Variants in KIAA1328 observed in about 807,000 individuals in gnomAD.
KIAA1328 encodes the protein KIAA1328, also known as protein hinderin.
Under a neutral mutation model 68.1 loss-of-function variants are expected in KIAA1328, and 52 were observed. That is an observed-to-expected ratio of 0.76 (90% CI 0.61 to 0.96). The LOEUF (loss-of-function observed/expected upper bound fraction) is 0.96, where lower values mean the gene tolerates loss of function less well. Ranked by LOEUF, KIAA1328 falls within the 40% of genes least tolerant of loss-of-function variation. The pLI, the probability that KIAA1328 is intolerant of heterozygous loss-of-function variation, is 0.00. For missense variants in KIAA1328, 641 were observed against 677.6 expected, an observed-to-expected ratio of 0.95 and a Z score of 0.60; for synonymous variants, 232 against 239.4, an observed-to-expected ratio of 0.97 and a Z score of 0.28.
intron 7 of KIAA1328, among the ~76,000 whole-genome samples, chr18:37,138,649 T>C (rs1274023929): frequency 2.6e-5 from 4 of 152,184 alleles, no homozygotes; most frequent in Non-Finnish European, 4.4e-5. Flanking sequence ...CTCCTCTTCT[T>C]GCAAGCTTCC....
intron 3 of KIAA1328, among the ~76,000 whole-genome samples, chr18:36,838,404 C>T (rs2046749698): frequency 6.6e-6 from 1 of 152,148 alleles, no homozygotes; most frequent in African/African-American, 2.4e-5. Context: ...CATTCTTTCA[C>T]GTGTATCCAG....
chr18:36,845,174 T>C (rs1959159630), intron 4 of KIAA1328, among the ~76,000 whole-genome samples: 1 of 151,736 alleles, frequency 6.6e-6, no homozygotes, highest in South Asian at 2.1e-4. Flanking sequence ...ATACAGGGTG[T>C]GAGAATTCAA....
chr18:36,950,888 A>G (rs776233347), intron 5 of KIAA1328, among the ~76,000 whole-genome samples: 6 of 152,312 alleles, frequency 3.9e-5, no homozygotes, highest in Middle Eastern at 3.4e-3. Flanking sequence ...CTCCCTGACA[A>G]GAAAATAGCC....
intron 5 of KIAA1328, chr18:36,920,967 C>T (rs1439730785): frequency 3.3e-5 from 5 of 152,216 alleles, no homozygotes; most frequent in East Asian, 1.9e-4. Context: ...AGCAAGACCA[C>T]CAGGTTCCGT....
intron 9 of KIAA1328, among the ~76,000 whole-genome samples, chr18:37,208,927 A>C (rs1599600507): frequency 6.6e-6 from 1 of 152,198 alleles, no homozygotes; most frequent in East Asian, 1.9e-4. Flanking sequence ...TGGAATGGGA[A>C]GTACCTTCTG....
chr18:37,029,413 G>A lies in KIAA1328; in HGVS notation c.577-37477G>A, dbSNP rs968853207. On this transcript the variant is annotated intron_variant, in intron 6 of 9. Coordinates refer to ENST00000280020, the MANE Select transcript of KIAA1328 (RefSeq NM_020776.3). ...TATTGAGACAAGGTCTCACTGTGTC[G>A]CCCAGGCTGCAGTGCAGTGGCATGA... 1.2e-4 allele frequency among the ~76,000 whole-genome samples: 18 copies of A among 151,936 alleles called. No homozygotes were observed. The East Asian group carries it at 1.4e-3, about 11-fold the overall frequency.
At chr18:37,098,501 T>A (rs931884938) in intron 7 of KIAA1328, among the ~76,000 whole-genome samples, 2 of 152,316 alleles carry the variant, frequency 1.3e-5, no homozygotes, top group East Asian at 3.9e-4. Context: ...GATTTTTGCA[T>A]TGATGTTCAT....
intron 7 of KIAA1328, among the ~76,000 whole-genome samples, chr18:37,104,180 G>T (rs1310513978): frequency 3.3e-5 from 5 of 152,286 alleles, no homozygotes. Flanking sequence ...TTTATCCAAA[G>T]GAAAGGAAAT....
At chr18:37,204,762 C>CAA (rs33939558) in intron 9 of KIAA1328, among the ~76,000 whole-genome samples, 13 of 103,408 alleles carry the variant, frequency 1.3e-4, no homozygotes, top group East Asian at 5.8e-4. Flanking sequence ...GAGTTTCAGT[C>CAA]AAAAAAAAAA....
chr18:37,119,462 G>C (rs981357462), intron 7 of KIAA1328, among the ~76,000 whole-genome samples: 2 of 152,110 alleles, frequency 1.3e-5, no homozygotes, highest in Middle Eastern at 3.2e-3. Flanking sequence ...GCATGGTTGG[G>C]TTCTGACTGG....
At chr18:37,216,336 G>T (rs2060432391) in intron 9 of KIAA1328, among the ~76,000 whole-genome samples, 1 of 151,966 alleles carries the variant, frequency 6.6e-6, no homozygotes, top group African/African-American at 2.4e-5. Context: ...AGATATTCTG[G>T]TACGTCATGT....
At chr18:36,847,159 T>C (rs1424140242) in intron 4 of KIAA1328, among the ~76,000 whole-genome samples, 2 of 151,582 alleles carry the variant, frequency 1.3e-5, no homozygotes, top group African/African-American at 4.8e-5. Context: ...AATTTGTTTA[T>C]CTCTTCTTCT....
chr18:36,903,074 T>C (rs1045584259), intron 5 of KIAA1328, among the ~76,000 whole-genome samples: 5 of 152,074 alleles, frequency 3.3e-5, no homozygotes, highest in African/African-American at 1.2e-4. Context: ...TTTTAACCTG[T>C]GTTTTCCTGA....
At chr18:36,983,993 A>G (rs2052802830) in intron 6 of KIAA1328, among the ~76,000 whole-genome samples, 1 of 152,180 alleles carries the variant, frequency 6.6e-6, no homozygotes, top group Admixed American at 6.5e-5. Flanking sequence ...AATAAGCTAA[A>G]AAAGAGTGAC....
chr18:37,053,063 G>T (rs1475067630), intron 6 of KIAA1328, among the ~76,000 whole-genome samples: 2 of 152,146 alleles, frequency 1.3e-5, no homozygotes, highest in Non-Finnish European at 2.9e-5. Context: ...GAACAAAGCT[G>T]GAGGCATCAC....
Position 36,844,303 on chromosome 18 carries a change from G to C in KIAA1328, c.332+1G>C. 1 of 1,576,854 alleles carries C rather than the reference G, an allele frequency of 6.3e-7. No individual in the cohort carries two copies. On this transcript the variant is annotated splice_donor_variant, in intron 4 of 9. Transcript: ENST00000280020. LOFTEE classifies it high-confidence loss of function. ...CAAACTTAATTAAAGAACTGGCCAG[G>C]TGAGATAAAACCTTATATGAAATGA...
At position 36,913,369 on chromosome 18, in the gene KIAA1328, A is replaced by AT. The variant is rs200543725; in HGVS notation, c.448+27697_448+27698insT. ...CCTTGTCTCTACAAAAAAAAAAAAA[A>AT]ATTTTTTAAGAACCTTGTAGATTTT... On this transcript the variant is annotated intron_variant, in intron 5 of 9. Coordinates refer to ENST00000280020, the MANE Select transcript of KIAA1328 (RefSeq NM_020776.3). Among the ~76,000 whole-genome samples the AT allele has an allele frequency of 1.1e-3, 169 of 149,202 alleles. 2 individuals are homozygous for AT. Among genetic ancestry groups the AT allele is most frequent in the Admixed American group, 4.3e-3 (64 of 14,972 alleles).
chr18:37,067,092 A>C lies in KIAA1328; in HGVS notation c.779A>C (p.Asp260Ala). ...CTTCATCATCCCAAAGATGATCTAG[A>C]TAAGATACCATCAGAGACCACAACA... ...VTLHHPKDDLDKIPSETTTCN... is the reference protein window; with the variant it reads ...VTLHHPKDDLAKIPSETTTCN... Residue 260 changes from aspartate (D) to alanine (A), a missense_variant, in exon 7 of 10, where the codon GAT (aspartate) becomes GCT (alanine). Coordinates refer to ENST00000280020, the MANE Select transcript of KIAA1328 (RefSeq NM_020776.3). 6.2e-7 allele frequency: 1 copy of C among 1,614,012 alleles called. No individual in the cohort carries two copies. Among genetic ancestry groups the C allele is most frequent in the Non-Finnish European group, 8.5e-7 (1 of 1,179,878 alleles).
chr18:37,152,640 A>T, intron 7 of KIAA1328, among the ~76,000 whole-genome samples: 1 of 152,200 alleles, frequency 6.6e-6, no homozygotes, highest in Non-Finnish European at 1.5e-5. Context: ...TGGCAGAAGC[A>T]GCCCAGAAGC....
Sources: gnomAD v4.1 joint callset for allele counts (sites outside exome capture counted in the v4.1 genomes callset) on GRCh38, gnomAD v4.1.1 for gene constraint, MANE v1.5 for transcripts, NCBI Gene and HGNC (gene_info 2026-07-23, HGNC 2026-07-21) for gene names.